The following CNTLN variants were observed in gnomAD, a reference collection of about 807,000 sequenced individuals.
CNTLN encodes the protein centlein, centrosomal protein.
In CNTLN, 212 loss-of-function variants were observed where a neutral mutation model predicts 180.0. The observed-to-expected ratio is 1.18, with a 90% CI of 1.05 to 1.32. The LOEUF (loss-of-function observed/expected upper bound fraction) is 1.32, where lower values mean the gene tolerates loss of function less well. Ranked by LOEUF, CNTLN falls within the 40% of genes most tolerant of loss-of-function variation. The pLI is 0.00. For synonymous variants in CNTLN, 722 were observed against 563.1 expected (o/e 1.28, Z -3.99); for missense variants, 2,095 against 1,610.9 (o/e 1.30, Z -5.14).
intron 8 of CNTLN, among the ~76,000 whole-genome samples, chr9:17,319,028 T>G (rs1819729904): frequency 1.3e-5 from 2 of 152,212 alleles, no homozygotes; most frequent in African/African-American, 4.8e-5. Context: ...AAATGTGTTG[T>G]AATTGAAGTA....
intron 25 of CNTLN, among the ~76,000 whole-genome samples, chr9:17,492,737 A>G (rs747673375): frequency 7.9e-5 from 12 of 152,178 alleles, no homozygotes; most frequent in Non-Finnish European, 1.5e-4. Flanking sequence ...GCCTTGGGGT[A>G]TATCTCCAAA....
intron 2 of CNTLN, among the ~76,000 whole-genome samples, chr9:17,221,599 A>G (rs1180590229): frequency 6.6e-6 from 1 of 152,086 alleles, no homozygotes; most frequent in Non-Finnish European, 1.5e-5. Context: ...GTGTGCCTAC[A>G]TCCAAAGGGC....
chr9:17,487,197 A>G (rs766381383), intron 25 of CNTLN, 131 bp downstream of exon 25: 54 of 686,746 alleles, frequency 7.9e-5, no homozygotes, highest in East Asian at 6.1e-4. Context: ...AAGTATTCCA[A>G]TAGGTAGAAA....
At chr9:17,307,174 A>C (rs1818776602) in intron 7 of CNTLN, among the ~76,000 whole-genome samples, 1 of 152,226 alleles carries the variant, frequency 6.6e-6, no homozygotes. Flanking sequence ...TTTTTTATAA[A>C]TCATATAGGC....
chr9:17,210,979 C>T (rs1012043799), intron 2 of CNTLN, among the ~76,000 whole-genome samples: 2 of 152,124 alleles, frequency 1.3e-5, no homozygotes, highest in African/African-American at 4.8e-5. Context: ...GAGTAGGTTG[C>T]AAAAATTTTC....
intron 2 of CNTLN, among the ~76,000 whole-genome samples, chr9:17,206,148 C>G (rs751880877): frequency 1.3e-5 from 2 of 152,122 alleles, no homozygotes; most frequent in African/African-American, 2.4e-5. Flanking sequence ...AGAATCGTCC[C>G]TGCTAACATT....
At chr9:17,154,703 G>A (rs184113444) in intron 2 of CNTLN, among the ~76,000 whole-genome samples, 1 of 152,188 alleles carries the variant, frequency 6.6e-6, no homozygotes, top group Non-Finnish European at 1.5e-5. Flanking sequence ...CTAGCTAAAG[G>A]TTTGTAAATG....
chr9:17,259,298 A>G (rs1451923203), intron 5 of CNTLN, among the ~76,000 whole-genome samples: 4 of 143,576 alleles, frequency 2.8e-5, no homozygotes, highest in African/African-American at 1.1e-4. Flanking sequence ...CGTATATTGA[A>G]CCAGCCTTGC....
chr9:17,336,507 A>C (rs1201364202), intron 10 of CNTLN, among the ~76,000 whole-genome samples: 1 of 152,200 alleles, frequency 6.6e-6, no homozygotes, highest in East Asian at 1.9e-4. Context: ...CCCAAACATG[A>C]ATCTTTGGAT....
chr9:17,266,728 TGG>T (rs1827484574), intron 5 of CNTLN, among the ~76,000 whole-genome samples: 1 of 152,202 alleles, frequency 6.6e-6, no homozygotes, highest in South Asian at 2.1e-4. Flanking sequence ...GCTCCTGTAT[TGG>T]GTGCATATAT....
intron 18 of CNTLN, among the ~76,000 whole-genome samples, chr9:17,438,007 C>G (rs1351306375): frequency 2.0e-5 from 3 of 152,160 alleles, no homozygotes; most frequent in Non-Finnish European, 4.4e-5. Context: ...GAAAAGACAT[C>G]TAGCTGACAT....
intron 8 of CNTLN, among the ~76,000 whole-genome samples, chr9:17,317,107 G>T (rs1364723502): frequency 6.6e-6 from 1 of 151,832 alleles, no homozygotes; most frequent in Non-Finnish European, 1.5e-5. Context: ...AATTTTTGGT[G>T]AGAAATCTGA....
chr9:17,272,632 T>C (rs1828031672), intron 5 of CNTLN, among the ~76,000 whole-genome samples: 1 of 152,194 alleles, frequency 6.6e-6, no homozygotes, highest in South Asian at 2.1e-4. Flanking sequence ...TGAGCAGCTT[T>C]ACCCAGATCC....
intron 2 of CNTLN, among the ~76,000 whole-genome samples, chr9:17,202,904 T>C (rs1463183979): frequency 2.0e-5 from 3 of 152,038 alleles, no homozygotes; most frequent in Non-Finnish European, 4.4e-5. Flanking sequence ...ATTTTGTGCA[T>C]TAGGTGATGC....
chr9:17,364,213 C>T (rs1345514884), intron 12 of CNTLN, among the ~76,000 whole-genome samples: 4 of 152,118 alleles, frequency 2.6e-5, no homozygotes, highest in African/African-American at 7.2e-5. Flanking sequence ...ATCTGTACTC[C>T]TGCCTTCAGT....
intron 5 of CNTLN, 24 bp from the exon 6 acceptor site, chr9:17,273,709 T>C (rs1473640040): frequency 1.6e-6 from 2 of 1,284,728 alleles, no homozygotes; most frequent in African/African-American, 1.6e-5. Flanking sequence ...TGTTTGATTA[T>C]TGATATAAGC....
intron 6 of CNTLN, among the ~76,000 whole-genome samples, chr9:17,294,692 C>T (rs905911107): frequency 6.9e-6 from 1 of 145,774 alleles, no homozygotes; most frequent in East Asian, 2.1e-4. Context: ...CACTCCTCAG[C>T]CCTTGGATGG....
At chr9:17,427,502 A>G (rs1587966602) in intron 18 of CNTLN, among the ~76,000 whole-genome samples, 1 of 152,240 alleles carries the variant, frequency 6.6e-6, no homozygotes, top group African/African-American at 2.4e-5. Flanking sequence ...CAGTGGGTGT[A>G]TTTTAGCCTG....
At chr9:17,397,098 A>C (rs1310393350) in intron 15 of CNTLN, among the ~76,000 whole-genome samples, 1 of 152,176 alleles carries the variant, frequency 6.6e-6, no homozygotes, top group African/African-American at 2.4e-5. Flanking sequence ...GGTGCCATTT[A>C]CTTATGTGCA....
Sources: allele counts gnomAD v4.1 joint callset (sites outside exome capture counted in the v4.1 genomes callset), GRCh38; gene constraint gnomAD v4.1.1; transcripts MANE v1.5; gene names NCBI Gene and HGNC (gene_info 2026-07-23, HGNC 2026-07-21).